Variants in ANKHD1 observed in about 807,000 individuals in gnomAD.
ANKHD1 encodes ankyrin repeat and KH domain-containing protein 1.
ANKHD1 carries 31 observed loss-of-function variants against 230.5 expected under a neutral mutation model. The observed-to-expected ratio is 0.13, with a 90% CI of 0.10 to 0.18. The LOEUF is 0.18. Ranked by LOEUF, ANKHD1 falls within the 10% of genes least tolerant of loss-of-function variation. The pLI, the probability that ANKHD1 is intolerant of heterozygous loss-of-function variation, is 1.00. For missense variants in ANKHD1, 2,256 were observed against 3,071.3 expected, an observed-to-expected ratio of 0.73 and a Z score of 6.27; for synonymous variants, 1,074 against 1,117.6, an observed-to-expected ratio of 0.96 and a Z score of 0.78.
intron 2 of ANKHD1, 68 bp downstream of exon 2, chr5:140,436,325 A>T: frequency 1.5e-6 from 2 of 1,326,174 alleles, no homozygotes; most frequent in Non-Finnish European, 1.9e-6. Context: ...GTTACATGAG[A>T]TTATCCCCAA....
In ANKHD1 at chr5:140,527,026, C is replaced by A; in HGVS notation, c.5039C>A (p.Pro1680His). 6.2e-7 allele frequency: 1 copy of A among 1,613,556 alleles called. No homozygotes were observed. Among genetic ancestry groups the A allele is most frequent in the Non-Finnish European group, 8.5e-7 (1 of 1,179,784 alleles). The change falls in exon 27 of 34, where the codon CCT (proline) becomes CAT (histidine). Residue 1680 changes from proline to histidine, a missense_variant. This residue lies in a region of ANKHD1 where 212 missense variants were observed against 257.3 expected (regional missense o/e 0.82). Coordinates refer to ENST00000360839, the MANE Select transcript of ANKHD1 (RefSeq NM_017747.3). This position sits in a 1 kb window ranked among gnomAD's most constrained non-coding sequence, Gnocchi z 4.5. ...SPNIKLNLTS[P>H]KRGQKREEGW... ...AACATAAAGCTGAATCTCACTAGCC[C>A]TAAAAGGGGTCAGAAAAGAGAAGAA...
chr5:140,420,198 C>G lies in ANKHD1; in HGVS notation c.307-15906C>G, dbSNP rs1282602774. On this transcript the variant is annotated intron_variant, in intron 1 of 33. Coordinates refer to ENST00000360839, the MANE Select transcript of ANKHD1 (RefSeq NM_017747.3). Reference sequence around the variant, plus strand: ...ACAGACAAGGTCTCACCATTTTGCCCAGGCTGGTCTCAAACTCCTGGCCTC... The same window carrying G: ...ACAGACAAGGTCTCACCATTTTGCCGAGGCTGGTCTCAAACTCCTGGCCTC... 4.0e-5 allele frequency among the ~76,000 whole-genome samples: 6 copies of G among 151,554 alleles called. No individual in the cohort carries two copies. In the South Asian group the frequency reaches 1.0e-3, roughly 26 times the overall value.
chr5:140,405,324 A>T (rs1256522580), intron 1 of ANKHD1, among the ~76,000 whole-genome samples: 1 of 152,180 alleles, frequency 6.6e-6, no homozygotes, highest in East Asian at 1.9e-4. Flanking sequence ...CTGTGTAAGC[A>T]GGAAATTTTT....
intron 1 of ANKHD1, among the ~76,000 whole-genome samples, chr5:140,408,223 A>G (rs1770636719): frequency 6.6e-6 from 1 of 152,170 alleles, no homozygotes; most frequent in Admixed American, 6.5e-5. Context: ...TTACTTGTTG[A>G]AAAACTCAAC....
intron 1 of ANKHD1, among the ~76,000 whole-genome samples, chr5:140,431,705 C>T (rs1773059039): frequency 6.6e-6 from 1 of 152,164 alleles, no homozygotes; most frequent in African/African-American, 2.4e-5. Flanking sequence ...GTGTAATATG[C>T]TCTCCATTAT....
At chr5:140,494,562 A>C (rs1751941982) in intron 14 of ANKHD1, among the ~76,000 whole-genome samples, 1 of 152,326 alleles carries the variant, frequency 6.6e-6, no homozygotes, top group East Asian at 1.9e-4. Context: ...TATTAAAGAC[A>C]GTATGTAGGT....
rs5871738 is a variant in ANKHD1 at position 140,498,855 on chromosome 5, C to CTT, written c.3004+1588_3004+1589dup. Among the ~76,000 whole-genome samples the CTT allele has an allele frequency of 4.6e-3, 684 of 147,946 alleles. 7 individuals carry two copies. Among genetic ancestry groups the CTT allele is most frequent in the African/African-American group, 0.014 (556 of 40,712 alleles). On this transcript the variant is annotated intron_variant, in intron 15 of 33. Transcript: ENST00000360839. ...ACTGATTAGTTCAGTTATGTTAGAA[C>CTT]TTTTTTTTTTTTAAAGAATGTAGAA...
chr5:140,436,951 T>TA (rs1294640091), intron 2 of ANKHD1, among the ~76,000 whole-genome samples: 2 of 152,190 alleles, frequency 1.3e-5, no homozygotes, highest in African/African-American at 4.8e-5. Context: ...TTTTTATATG[T>TA]AATGCATATT....
intron 31 of ANKHD1, 161 bp downstream of exon 31, chr5:140,537,750 A>G: frequency 5.8e-6 from 7 of 1,196,872 alleles, no homozygotes; most frequent in Non-Finnish European, 7.7e-6. Context: ...GTTCAGTCCA[A>G]TTTCAGAGTC....
At chr5:140,499,174 A>G (rs1316177422) in intron 15 of ANKHD1, among the ~76,000 whole-genome samples, 2 of 152,034 alleles carry the variant, frequency 1.3e-5, no homozygotes, top group Admixed American at 6.5e-5. Context: ...ACTATATGGC[A>G]GTAATTATAT....
intron 7 of ANKHD1, among the ~76,000 whole-genome samples, chr5:140,457,084 C>G (rs1775252569): frequency 6.6e-6 from 1 of 152,150 alleles, no homozygotes; most frequent in Non-Finnish European, 1.5e-5. Flanking sequence ...ATTTATGCAG[C>G]CAACAGACAC....
In ANKHD1 at chr5:140,527,472, G is replaced by T. The variant is rs974492932; in HGVS notation, c.5087+398G>T. On this transcript the variant is annotated intron_variant, in intron 27 of 33. Transcript: ENST00000360839. The surrounding 1 kb of genome is among the most constrained non-coding windows in gnomAD (Gnocchi z 4.5). ...TGCTAAGTATGAGCTGTTGATACTG[G>T]TTTAAAATGAATATGCTAGCATAGT... 8 of 210,300 alleles carry T rather than the reference G, an allele frequency of 3.8e-5. No individual in the cohort carries two copies. Among genetic ancestry groups the T allele is most frequent in the Non-Finnish European group, 6.6e-5 (7 of 105,290 alleles). 13.0% of individuals were successfully genotyped at this position (210,300 alleles called of 1,614,324 possible).
Position 140,528,597 on chromosome 5 carries a change from C to T in ANKHD1, c.5651C>T (p.Ser1884Phe), listed in dbSNP as rs1174642520. The T allele has an allele frequency of 5.6e-6, 9 of 1,614,060 alleles. No individual in the cohort carries two copies. Among genetic ancestry groups the T allele is most frequent in the Non-Finnish European group, 1.7e-6 (2 of 1,180,044 alleles). ...CAGTTTGGAGGAACCTTCTCACCTTCTCCTAACACATGGGGACCATTCCCA... is the reference window on the plus strand; with the variant it reads ...CAGTTTGGAGGAACCTTCTCACCTTTTCCTAACACATGGGGACCATTCCCA... Reference protein sequence around the residue: ...MAQFGGTFSPSPNTWGPFPVR... With the variant: ...MAQFGGTFSPFPNTWGPFPVR... The change falls in exon 29 of 34, where the codon TCT becomes TTT. Residue 1884 changes from serine (S) to phenylalanine (F), a missense_variant. Physicochemically the swap from Ser to Phe is radical, Grantham distance 155 (BLOSUM62 -2). Transcript: ENST00000360839.
chr5:140,519,852 C>G (rs1753233934), intron 24 of ANKHD1, among the ~76,000 whole-genome samples: 1 of 151,936 alleles, frequency 6.6e-6, no homozygotes, highest in African/African-American at 2.4e-5. Flanking sequence ...CATTACCATT[C>G]AGGACATAGG....
chr5:140,539,053 A>G lies in ANKHD1; in HGVS notation c.7539A>G (p.Gln2513=), dbSNP rs1414861609. The G allele has an allele frequency of 6.2e-7, 1 of 1,611,690 alleles. No individual in the cohort carries two copies. The highest frequency in any genetic ancestry group is 1.7e-5 in the Admixed American group (1 of 59,466). Residue 2513 remains glutamine, a synonymous_variant, in exon 33 of 34, where the codon CAA becomes CAG. Coordinates refer to ENST00000360839, the MANE Select transcript of ANKHD1 (RefSeq NM_017747.3). ...GGAACCCTATGATAAAAGTTATCCA[A>G]AATTCAACTGAATGCACTGATGCCC... The part of the protein sequence containing the change: ...PAWNPMIKVI[Q]NSTECTDAQQ...
chr5:140,486,199 G>A (rs969373348), intron 13 of ANKHD1: 3 of 164,872 alleles, frequency 1.8e-5, no homozygotes, highest in Middle Eastern at 2.9e-3. Flanking sequence ...CAAGTAGCTG[G>A]GACTATAGGT....
chr5:140,484,320 T>A (rs1333404351), intron 11 of ANKHD1, among the ~76,000 whole-genome samples: 1 of 152,214 alleles, frequency 6.6e-6, no homozygotes, highest in Admixed American at 6.5e-5. Flanking sequence ...GAACTAAAGT[T>A]ATTTTTTCCA....
At chr5:140,524,493 T>C (rs551667568) in intron 25 of ANKHD1, among the ~76,000 whole-genome samples, 1 of 152,340 alleles carries the variant, frequency 6.6e-6, no homozygotes, top group South Asian at 2.1e-4. Context: ...AAACACTGCA[T>C]ATATACTAAA....
intron 10 of ANKHD1, among the ~76,000 whole-genome samples, chr5:140,466,004 A>C (rs1432654111): frequency 6.6e-6 from 1 of 152,202 alleles, no homozygotes; most frequent in Non-Finnish European, 1.5e-5. Context: ...AGCAAAATTT[A>C]ATACTCTTAT....
Sources: allele counts gnomAD v4.1 joint callset (sites outside exome capture counted in the v4.1 genomes callset), GRCh38; gene constraint gnomAD v4.1.1; regional missense constraint gnomAD v4.1.1; non-coding constraint Gnocchi (gnomAD v3.1); transcripts MANE v1.5; gene names NCBI Gene and HGNC (gene_info 2026-07-23, HGNC 2026-07-21).